ITIH5: variants seen among roughly 807,000 people sequenced by gnomAD.
ITIH5 encodes inter-alpha-trypsin inhibitor heavy chain 5, also known as inter-alpha-trypsin inhibitor heavy chain H5.
In ITIH5, 65 loss-of-function variants were observed where a neutral mutation model predicts 77.5. That is an observed-to-expected ratio of 0.84 (90% CI 0.69 to 1.03). ITIH5 has a LOEUF of 1.03. Among genes scored for constraint, ITIH5 ranks in the 50% least tolerant of loss-of-function variants. ITIH5 has a pLI of 0.00. For missense variants in ITIH5, 1,208 were observed against 1,213.1 expected (o/e 1.00, Z 0.06); for synonymous variants, 525 against 494.3 (o/e 1.06, Z -0.82).
intron 7 of ITIH5, among the ~76,000 whole-genome samples, chr10:7,610,711 C>T (rs1833227521): frequency 6.6e-6 from 1 of 152,222 alleles, no homozygotes; most frequent in Admixed American, 6.5e-5. Flanking sequence ...TCACTTAGTA[C>T]TGTGGCCTTG....
chr10:7,572,787 T>TTTA, intron 11 of ITIH5: 1 of 152,844 alleles, frequency 6.5e-6, no homozygotes, highest in Non-Finnish European at 1.4e-5. Context: ...TTTTTTTTTT[T>TTTA]TTTTTTTGAG....
intron 7 of ITIH5, among the ~76,000 whole-genome samples, chr10:7,602,670 T>C (rs754341788): frequency 6.6e-6 from 1 of 152,208 alleles, no homozygotes; most frequent in Non-Finnish European, 1.5e-5. Flanking sequence ...CCTTCATAAA[T>C]TACTCAGTCT....
chr10:7,624,266 G>C (rs1833520676), intron 5 of ITIH5, among the ~76,000 whole-genome samples: 1 of 151,986 alleles, frequency 6.6e-6, no homozygotes, highest in African/African-American at 2.4e-5. Flanking sequence ...CCAGCACTTT[G>C]GGAGGCCGAG....
intron 7 of ITIH5, among the ~76,000 whole-genome samples, chr10:7,590,767 G>T (rs569795998): frequency 1.3e-5 from 2 of 152,188 alleles, no homozygotes; most frequent in African/African-American, 4.8e-5. Flanking sequence ...ACGTGGAAGC[G>T]GAGCGACAAA....
At chr10:7,656,846 C>T (rs542214802) in intron 1 of ITIH5, among the ~76,000 whole-genome samples, 4 of 149,800 alleles carry the variant, frequency 2.7e-5, no homozygotes, top group South Asian at 2.1e-4. Flanking sequence ...CAGGTTCAAG[C>T]GATTCTCCTG....
intron 5 of ITIH5, among the ~76,000 whole-genome samples, chr10:7,628,136 C>G (rs536918789): frequency 6.6e-6 from 1 of 152,156 alleles, no homozygotes; most frequent in Admixed American, 6.5e-5. Context: ...CCACCATGCC[C>G]AGCCAAAATT....
At chr10:7,575,275 GA>G (rs1832387221) in intron 10 of ITIH5, among the ~76,000 whole-genome samples, 1 of 152,182 alleles carries the variant, frequency 6.6e-6, no homozygotes, top group South Asian at 2.1e-4. Context: ...TGGGGAGTGG[GA>G]ATGGAAGCTC....
At chr10:7,657,063 T>TTG (rs756931595) in intron 1 of ITIH5, among the ~76,000 whole-genome samples, 2 of 126,286 alleles carry the variant, frequency 1.6e-5, no homozygotes, top group Admixed American at 1.6e-4. Context: ...TTTTTTTTTT[T>TTG]AGACGGAGTC....
intron 2 of ITIH5, among the ~76,000 whole-genome samples, chr10:7,644,543 TATATG>T (rs1373839760): frequency 4.7e-4 from 58 of 124,568 alleles, no homozygotes; most frequent in Middle Eastern, 6.0e-3. Context: ...ATATCACATA[TATATG>T]ATATATCACA....
At chr10:7,568,483 C>T (rs1395422576) in intron 12 of ITIH5, among the ~76,000 whole-genome samples, 3 of 152,200 alleles carry the variant, frequency 2.0e-5, no homozygotes, top group Admixed American at 6.5e-5. Context: ...AGGACATATA[C>T]AGTTAGGCCC....
chr10:7,565,070 G>GTATGTA (rs1554746331), intron 13 of ITIH5, among the ~76,000 whole-genome samples: 2 of 135,926 alleles, frequency 1.5e-5, no homozygotes, highest in East Asian at 2.2e-4. Flanking sequence ...CACATAGACT[G>GTATGTA]TATATATATA....
At chr10:7,656,441 C>T (rs1413567093) in intron 1 of ITIH5, among the ~76,000 whole-genome samples, 1 of 152,162 alleles carries the variant, frequency 6.6e-6, no homozygotes, top group African/African-American at 2.4e-5. Flanking sequence ...TCTCATACTC[C>T]TGGGTTCAAG....
intron 10 of ITIH5, 127 bp from the exon 11 acceptor site, chr10:7,573,322 C>A: frequency 1.4e-6 from 1 of 713,830 alleles, no homozygotes; most frequent in Non-Finnish European, 2.4e-6. Flanking sequence ...CTTAAATAAT[C>A]AAAAGACCTT....
At chr10:7,575,226 G>A (rs1377656824) in intron 10 of ITIH5, among the ~76,000 whole-genome samples, 1 of 152,192 alleles carries the variant, frequency 6.6e-6, no homozygotes, top group African/African-American at 2.4e-5. Context: ...TCTTACAACA[G>A]CCCTGCAGGG....
intron 7 of ITIH5, among the ~76,000 whole-genome samples, chr10:7,606,045 A>C (rs1833119620): frequency 6.6e-6 from 1 of 152,208 alleles, no homozygotes; most frequent in Admixed American, 6.5e-5. Flanking sequence ...TATGACAGCC[A>C]CAGAGTGCCC....
At chr10:7,604,421 C>G (rs143965073) in intron 7 of ITIH5, among the ~76,000 whole-genome samples, 1 of 152,228 alleles carries the variant, frequency 6.6e-6, no homozygotes, top group Non-Finnish European at 1.5e-5. Flanking sequence ...GAGGACCCAG[C>G]GAGTGGTAAC....
chr10:7,653,267 T>C (rs148104285), intron 2 of ITIH5, among the ~76,000 whole-genome samples: 2 of 152,270 alleles, frequency 1.3e-5, no homozygotes, highest in East Asian at 3.9e-4. Flanking sequence ...AGTGCAGTGG[T>C]GCAATCTCAG....
At position 7,576,483 on chromosome 10, in the gene ITIH5, G is replaced by A; in HGVS notation, c.1948C>T (p.Gln650Ter). The A allele has an allele frequency of 6.2e-7, 1 of 1,607,064 alleles. No individual in the cohort carries two copies. Among genetic ancestry groups the A allele is most frequent in the Non-Finnish European group, 8.5e-7 (1 of 1,179,308 alleles). The change falls in exon 10 of 14, where the codon CAG becomes TAG. Residue 650 changes from glutamine (Q) to a stop codon, truncating the protein, a stop_gained. Coordinates refer to ENST00000397146, the MANE Select transcript of ITIH5 (RefSeq NM_030569.7). LOFTEE classifies it high-confidence loss of function. ...SAAMGPEPVVQSVRGAGTQPG... is the reference protein window; with the variant it reads ...SAAMGPEPVV ...TGCGTGCCAGCTCCTCGCACGCTCT[G>A]CACCACCGGTTCGGGTCCCATGGCA... is the stretch of plus-strand genomic sequence containing the variant.
At chr10:7,659,328 G>A (rs992359373) in intron 1 of ITIH5, among the ~76,000 whole-genome samples, 15 of 151,968 alleles carry the variant, frequency 9.9e-5, no homozygotes, top group Non-Finnish European at 1.6e-4. Context: ...GCAGTGGGCC[G>A]AGATCATGCC....
Sources: gnomAD v4.1 joint callset for allele counts (sites outside exome capture counted in the v4.1 genomes callset) on GRCh38, gnomAD v4.1.1 for gene constraint, MANE v1.5 for transcripts, NCBI Gene and HGNC (gene_info 2026-07-23, HGNC 2026-07-21) for gene names.